The following KIAA1328 variants were observed in gnomAD, a reference collection of about 807,000 sequenced individuals.
KIAA1328 encodes the protein protein hinderin.
KIAA1328 carries 52 observed loss-of-function variants against 68.1 expected under a neutral mutation model. The ratio of observed to expected loss-of-function variants is 0.76; its 90% CI spans 0.61 to 0.96. The LOEUF (loss-of-function observed/expected upper bound fraction) is 0.96, where lower values mean the gene tolerates loss of function less well. Among genes scored for constraint, KIAA1328 ranks in the 40% least tolerant of loss-of-function variants. The pLI is 0.00. For synonymous variants in KIAA1328, 232 were observed against 239.4 expected (o/e 0.97, Z 0.28); for missense variants, 641 against 677.6 (o/e 0.95, Z 0.60).
chr18:36,944,215 T>C (rs1191977230), intron 5 of KIAA1328, among the ~76,000 whole-genome samples: 2 of 152,204 alleles, frequency 1.3e-5, no homozygotes, highest in African/African-American at 4.8e-5. Context: ...ACTGTTTTTC[T>C]TGAATAGCTA....
intron 7 of KIAA1328, among the ~76,000 whole-genome samples, chr18:37,114,253 T>C (rs1228313580): frequency 6.6e-6 from 1 of 152,190 alleles, no homozygotes; most frequent in Non-Finnish European, 1.5e-5. Flanking sequence ...GACCACATAG[T>C]TGGAAGTAAA....
At chr18:37,005,620 G>T (rs571986423) in intron 6 of KIAA1328, among the ~76,000 whole-genome samples, 41 of 152,142 alleles carry the variant, frequency 2.7e-4, no homozygotes, top group African/African-American at 9.6e-4. Context: ...CAAAGGAAAA[G>T]AAATCAATAT....
intron 9 of KIAA1328, among the ~76,000 whole-genome samples, chr18:37,187,750 T>A (rs2059831551): frequency 6.6e-6 from 1 of 152,150 alleles, no homozygotes. Context: ...GATGAAGCAT[T>A]TTTAAGAGCC....
At chr18:36,905,265 C>G (rs1371286347) in intron 5 of KIAA1328, among the ~76,000 whole-genome samples, 1 of 151,942 alleles carries the variant, frequency 6.6e-6, no homozygotes, top group Non-Finnish European at 1.5e-5. Context: ...GCATACACCA[C>G]CATGGCATGG....
intron 7 of KIAA1328, among the ~76,000 whole-genome samples, chr18:37,135,854 A>G (rs2058631228): frequency 1.3e-5 from 2 of 152,092 alleles, no homozygotes. Flanking sequence ...TCTTGAGTTA[A>G]TTTTTGTATA....
downstream of KIAA1328, chr18:37,229,782 A>G (rs569941120): frequency 1.0e-5 from 2 of 198,696 alleles, no homozygotes; most frequent in South Asian, 1.4e-4. Context: ...GCTACTCAGG[A>G]GGCTGAGGCA....
intron 6 of KIAA1328, among the ~76,000 whole-genome samples, chr18:37,032,334 TTTA>T (rs1308765021): frequency 3.3e-5 from 5 of 152,224 alleles, no homozygotes; most frequent in South Asian, 2.1e-4. Context: ...ACACCACAAT[TTTA>T]TTATTATTGC....
chr18:37,041,668 GTGTGTGTGTA>G (rs887086151), intron 6 of KIAA1328, among the ~76,000 whole-genome samples: 1 of 146,662 alleles, frequency 6.8e-6, no homozygotes, highest in African/African-American at 2.7e-5. Context: ...GTGTGTGTGT[GTGTGTGTGTA>G]TACACATTTT....
At chr18:37,161,255 C>T (rs897790772) in intron 8 of KIAA1328, among the ~76,000 whole-genome samples, 1 of 152,166 alleles carries the variant, frequency 6.6e-6, no homozygotes, top group Non-Finnish European at 1.5e-5. Flanking sequence ...GCCACTCTCA[C>T]ATTTATTTAT....
At chr18:36,983,644 C>G (rs935249025) in intron 6 of KIAA1328, among the ~76,000 whole-genome samples, 5 of 151,928 alleles carry the variant, frequency 3.3e-5, no homozygotes, top group African/African-American at 1.2e-4. Flanking sequence ...AGCTTTCTCA[C>G]AAAGAAAACT....
intron 6 of KIAA1328, among the ~76,000 whole-genome samples, chr18:37,005,433 A>T (rs1271632488): frequency 6.8e-5 from 1 of 14,774 alleles, no homozygotes; most frequent in Admixed American, 2.1e-3. Flanking sequence ...GCTATTATTT[A>T]AAAAAAAAAA....
At chr18:37,075,804 C>G (rs2056709254) in intron 7 of KIAA1328, among the ~76,000 whole-genome samples, 2 of 152,136 alleles carry the variant, frequency 1.3e-5, no homozygotes. Flanking sequence ...ATATATGCAC[C>G]CAATACAGGA....
At chr18:37,111,021 C>G (rs1049029382) in intron 7 of KIAA1328, among the ~76,000 whole-genome samples, 1 of 152,116 alleles carries the variant, frequency 6.6e-6, no homozygotes, top group Non-Finnish European at 1.5e-5. Flanking sequence ...ATCCTTTAAC[C>G]GTGAACCTGA....
intron 5 of KIAA1328, among the ~76,000 whole-genome samples, chr18:36,955,320 T>C (rs544059514): frequency 1.1e-4 from 17 of 150,162 alleles, no homozygotes; most frequent in South Asian, 2.1e-4. Flanking sequence ...TTTTCTTTTT[T>C]TTTTTTTTTT....
In KIAA1328 at chr18:36,867,820, G is replaced by C. The variant is rs550117955; in HGVS notation, c.333-17737G>C. On this transcript the variant is annotated intron_variant, in intron 4 of 9. Transcript: ENST00000280020. The stretch of plus-strand genomic sequence containing the variant: ...AACAATTGATGCATTCAAACAGGGT[G>C]AAAGACAGTAGTAACAAGCTCAGCA... Among the ~76,000 whole-genome samples the C allele has an allele frequency of 1.8e-4, 27 of 152,270 alleles. No homozygotes were observed. In the South Asian group the frequency reaches 4.6e-3, roughly 26 times the overall value.
chr18:37,076,951 A>G (rs1335335392), intron 7 of KIAA1328, among the ~76,000 whole-genome samples: 1 of 152,186 alleles, frequency 6.6e-6, no homozygotes, highest in African/African-American at 2.4e-5. Flanking sequence ...TCCAATCAAT[A>G]GAAAAAGAAG....
chr18:37,198,362 C>T (rs927525340), intron 9 of KIAA1328, among the ~76,000 whole-genome samples: 1 of 152,152 alleles, frequency 6.6e-6, no homozygotes, highest in Non-Finnish European at 1.5e-5. Flanking sequence ...GTTTAAAGTT[C>T]ATAAGATAAA....
At chr18:37,111,183 C>T (rs558251978) in intron 7 of KIAA1328, among the ~76,000 whole-genome samples, 2 of 152,278 alleles carry the variant, frequency 1.3e-5, no homozygotes, top group East Asian at 3.9e-4. Context: ...TCCATGCTGG[C>T]TAGGCATGTC....
At chr18:37,208,635 T>C (rs1214243461) in intron 9 of KIAA1328, among the ~76,000 whole-genome samples, 1 of 152,148 alleles carries the variant, frequency 6.6e-6, no homozygotes, top group Non-Finnish European at 1.5e-5. Context: ...AAAGAAATGA[T>C]TCCAGTCCTA....
Sources: gnomAD v4.1 joint callset for allele counts (sites outside exome capture counted in the v4.1 genomes callset) on GRCh38, gnomAD v4.1.1 for gene constraint, MANE v1.5 for transcripts, NCBI Gene and HGNC (gene_info 2026-07-23, HGNC 2026-07-21) for gene names.